Variants in LYPLA1 observed in about 807,000 individuals in gnomAD.
LYPLA1 encodes the protein lysophospholipase 1.
Under a neutral mutation model 34.0 loss-of-function variants are expected in LYPLA1, and 17 were observed. The ratio of observed to expected loss-of-function variants is 0.50; its 90% CI spans 0.34 to 0.75. The LOEUF (loss-of-function observed/expected upper bound fraction) is 0.75. LYPLA1 is among the 30% of genes least tolerant of loss of function. The pLI, the probability that LYPLA1 is intolerant of heterozygous loss-of-function variation, is 0.01. For missense variants in LYPLA1, 203 were observed against 288.8 expected, an observed-to-expected ratio of 0.70 and a Z score of 2.15; for synonymous variants, 98 against 100.8, an observed-to-expected ratio of 0.97 and a Z score of 0.17.
At chr8:54,056,783 C>T (rs540297453) in intron 5 of LYPLA1, among the ~76,000 whole-genome samples, 7 of 152,080 alleles carry the variant, frequency 4.6e-5, no homozygotes, top group Admixed American at 6.6e-5. Context: ...CATGGTGGTG[C>T]GCACCTGTAG....
chr8:54,078,555 C>A (rs910055045), intron 2 of LYPLA1, among the ~76,000 whole-genome samples: 4 of 152,186 alleles, frequency 2.6e-5, no homozygotes, highest in African/African-American at 9.7e-5. Flanking sequence ...CCAGATGTAA[C>A]CCCATTGTAA....
intron 2 of LYPLA1, chr8:54,073,280 G>C: frequency 1.1e-6 from 1 of 891,960 alleles, no homozygotes. Context: ...TGCATGCTGG[G>C]GTCCTTCTGT....
intron 8 of LYPLA1, among the ~76,000 whole-genome samples, chr8:54,050,741 A>G (rs1805786346): frequency 6.6e-6 from 1 of 152,220 alleles, no homozygotes; most frequent in Admixed American, 6.5e-5. Context: ...TTACTTAGAC[A>G]TGCATCTTTC....
chr8:54,077,902 T>A (rs1436812796), intron 2 of LYPLA1, among the ~76,000 whole-genome samples: 3 of 152,172 alleles, frequency 2.0e-5, no homozygotes, highest in Non-Finnish European at 4.4e-5. Context: ...TCTATCTTCA[T>A]CATGTTGATG....
At chr8:54,049,253 G>C (rs1385204657) in intron 8 of LYPLA1, among the ~76,000 whole-genome samples, 1 of 152,168 alleles carries the variant, frequency 6.6e-6, no homozygotes, top group Admixed American at 6.5e-5. Context: ...TTTTACTCTA[G>C]GTCTTCTCAA....
intron 2 of LYPLA1, among the ~76,000 whole-genome samples, chr8:54,087,051 G>A (rs1808847894): frequency 6.6e-6 from 1 of 152,118 alleles, no homozygotes; most frequent in African/African-American, 2.4e-5. Flanking sequence ...AAACTGGCAA[G>A]ATAAATGGCA....
chr8:54,086,240 A>AC (rs1808757862), intron 2 of LYPLA1, among the ~76,000 whole-genome samples: 1 of 151,774 alleles, frequency 6.6e-6, no homozygotes, highest in Non-Finnish European at 1.5e-5. Context: ...ATACTCGTTA[A>AC]GAGTCATCAC....
chr8:54,052,577 A>G (rs1805919260), intron 7 of LYPLA1, 78 bp downstream of exon 7: 1 of 879,358 alleles, frequency 1.1e-6, no homozygotes, highest in Non-Finnish European at 1.8e-6. Flanking sequence ...AAAAAAAATA[A>G]GATGACTTTA....
intron 2 of LYPLA1, among the ~76,000 whole-genome samples, chr8:54,088,636 A>G (rs975140176): frequency 4.6e-5 from 7 of 152,248 alleles, no homozygotes; most frequent in South Asian, 4.1e-4. Context: ...AACTAAAAAC[A>G]TATGTCCATA....
Position 54,063,377 on chromosome 8 carries a change from T to C in LYPLA1, c.168-2A>G. On this transcript the variant is annotated splice_acceptor_variant, in intron 3 of 8. Transcript: ENST00000316963. LOFTEE classifies it high-confidence loss of function. ...TTTAATGTAACAGGCCTAACAGGCCTACATGGAAAAGAAAAAACAACAAAA... is the reference window on the plus strand; with the variant it reads ...TTTAATGTAACAGGCCTAACAGGCCCACATGGAAAAGAAAAAACAACAAAA... The C allele has an allele frequency of 6.5e-7, 1 of 1,531,680 alleles. No homozygotes were observed. The highest frequency in any genetic ancestry group is 2.4e-5 in the East Asian group (1 of 41,100). The allele number at this position is 1,531,680 out of a possible 1,614,324, so 94.9% of individuals were successfully genotyped here.
At chr8:54,099,570 G>C (rs868744658) in intron 2 of LYPLA1, among the ~76,000 whole-genome samples, 1 of 152,070 alleles carries the variant, frequency 6.6e-6, no homozygotes, top group African/African-American at 2.4e-5. Flanking sequence ...CCAGCTACTC[G>C]GGAGACCCAG....
chr8:54,080,149 G>A (rs1808205472), intron 2 of LYPLA1, among the ~76,000 whole-genome samples: 1 of 152,086 alleles, frequency 6.6e-6, no homozygotes, highest in Non-Finnish European at 1.5e-5. Flanking sequence ...ACTTTGGGAG[G>A]CTGAGGTGGG....
In LYPLA1 at chr8:54,065,808, C is replaced by A. The variant is rs753335036; in HGVS notation, c.107G>T (p.Gly36Val). The A allele has an allele frequency of 6.2e-7, 1 of 1,613,282 alleles. No homozygotes were observed. The highest frequency in any genetic ancestry group is 1.1e-5 in the South Asian group (1 of 91,064). Reference protein sequence around the residue: ...FLHGLGDTGHGWAEAFAGIRS... With the variant: ...FLHGLGDTGHVWAEAFAGIRS... ...GATACCTGCAAAGGCTTCTGCCCAT[C>A]CGTGCCTGGTGGAAAAATCATTGAA... The change falls in exon 3 of 9, where the codon GGA becomes GTA. Residue 36 changes from glycine (G) to valine (V), a missense_variant. Physicochemically the swap from Gly to Val is moderately radical, Grantham distance 109. Coordinates refer to ENST00000316963, the MANE Select transcript of LYPLA1 (RefSeq NM_006330.4).
chr8:54,101,395 G>C, intron 1 of LYPLA1: 1 of 1,056,174 alleles, frequency 9.5e-7, no homozygotes, highest in Non-Finnish European at 1.1e-6. Context: ...GAGGATAAGA[G>C]TGCGAGGTGA....
In LYPLA1 at chr8:54,055,440, A is replaced by T. The variant is rs188618705; in HGVS notation, c.287-307T>A. 4.1e-4 allele frequency among the ~76,000 whole-genome samples: 63 copies of T among 152,256 alleles called. No homozygotes were observed. The East Asian group carries it at 0.012, about 28-fold the overall frequency. ...GAAAACTATAAAACACTGATGAAAG[A>T]GGACACCAAAAAATGGAAAAAAGAT... On this transcript the variant is annotated intron_variant, in intron 5 of 8. Coordinates refer to ENST00000316963, the MANE Select transcript of LYPLA1 (RefSeq NM_006330.4).
chr8:54,101,563 G>C (rs553804975), intron 1 of LYPLA1, 192 bp downstream of exon 1: 1 of 1,148,408 alleles, frequency 8.7e-7, no homozygotes, highest in African/African-American at 1.6e-5. Flanking sequence ...TGGCCCTCGC[G>C]CCGGCTGTGA....
intron 2 of LYPLA1, among the ~76,000 whole-genome samples, chr8:54,088,331 T>G (rs777630948): frequency 7.9e-5 from 12 of 152,224 alleles, no homozygotes; most frequent in Non-Finnish European, 1.6e-4. Flanking sequence ...GGGACCTCTA[T>G]TTTACTTTTT....
At chr8:54,069,389 CTAAAAG>C (rs1348997824) in intron 2 of LYPLA1, among the ~76,000 whole-genome samples, 4 of 152,096 alleles carry the variant, frequency 2.6e-5, no homozygotes, top group East Asian at 3.9e-4. Flanking sequence ...TATGTATCAA[CTAAAAG>C]TAAAAGGAAA....
intron 2 of LYPLA1, among the ~76,000 whole-genome samples, chr8:54,072,666 A>G (rs968512433): frequency 2.6e-5 from 4 of 152,078 alleles, no homozygotes; most frequent in African/African-American, 9.7e-5. Flanking sequence ...GTAGACAAAA[A>G]ACATGAACAG....
Sources: allele counts gnomAD v4.1 joint callset (sites outside exome capture counted in the v4.1 genomes callset), GRCh38; gene constraint gnomAD v4.1.1; transcripts MANE v1.5; gene names NCBI Gene and HGNC (gene_info 2026-07-23, HGNC 2026-07-21).